FAM118A: variants seen among roughly 807,000 people sequenced by gnomAD.
The protein encoded by FAM118A is protein FAM118A.
FAM118A carries 25 observed loss-of-function variants against 38.2 expected under a neutral mutation model. The ratio of observed to expected loss-of-function variants is 0.65; its 90% CI spans 0.48 to 0.91. FAM118A has a LOEUF of 0.91. Among genes scored for constraint, FAM118A ranks in the 40% least tolerant of loss-of-function variants. The pLI is 0.00. For missense variants in FAM118A, 425 were observed against 463.3 expected (o/e 0.92, Z 0.76); for synonymous variants, 178 against 184.1 (o/e 0.97, Z 0.27).
chr22:45,327,597 T>C (rs906011171), intron 3 of FAM118A, among the ~76,000 whole-genome samples: 1 of 152,194 alleles, frequency 6.6e-6, no homozygotes, highest in Non-Finnish European at 1.5e-5. Context: ...GTCTTGGTCC[T>C]GTCCACCTCC....
chr22:45,333,806 T>C (rs899883517), intron 6 of FAM118A, among the ~76,000 whole-genome samples: 10 of 152,164 alleles, frequency 6.6e-5, no homozygotes, highest in South Asian at 2.1e-4. Context: ...AGGCCACTTA[T>C]TCCAGTCTGG....
At chr22:45,327,338 CTG>C (rs1466284192) in intron 3 of FAM118A, among the ~76,000 whole-genome samples, 1 of 152,040 alleles carries the variant, frequency 6.6e-6, no homozygotes, top group Non-Finnish European at 1.5e-5. Flanking sequence ...AAAACTGGGA[CTG>C]TGCAGCGCTC....
intron 1 of FAM118A, among the ~76,000 whole-genome samples, chr22:45,316,762 G>A (rs2084625057): frequency 6.6e-6 from 1 of 152,194 alleles, no homozygotes; most frequent in Non-Finnish European, 1.5e-5. Flanking sequence ...GGTACTAATA[G>A]CCTACTGTGT....
chr22:45,337,747 GC>G, intron 8 of FAM118A: 1 of 795,354 alleles, frequency 1.3e-6, no homozygotes, highest in East Asian at 1.3e-4. Flanking sequence ...CCTTGCTCTG[GC>G]CCCCCATCCA....
chr22:45,337,607 T>TA (rs796219430), intron 8 of FAM118A, among the ~76,000 whole-genome samples: 8 of 151,968 alleles, frequency 5.3e-5, no homozygotes, highest in Non-Finnish European at 1.2e-4. Flanking sequence ...AATTTTTTTT[T>TA]AAAAAAAGTA....
Position 45,340,426 on chromosome 22 carries a change from CA to C in FAM118A, c.*23del. ...CTTGAAATCTTTACAGTAAAACCTG[CA>C]ACTTGAAAACTAGCCTTCTGTAACC... On this transcript the variant is annotated 3_prime_UTR_variant, in exon 9 of 9. Transcript: ENST00000441876. 1 of 1,613,944 alleles carries C rather than the reference CA, an allele frequency of 6.2e-7. No individual in the cohort carries two copies.
At chr22:45,322,521 C>G in intron 2 of FAM118A, 95 bp downstream of exon 2, 1 of 1,094,534 alleles carries the variant, frequency 9.1e-7, no homozygotes, top group Non-Finnish European at 1.3e-6. Flanking sequence ...CCTGCAAGGG[C>G]GAAAGTGAAA....
At chr22:45,317,839 C>T (rs2084673869) in intron 1 of FAM118A, among the ~76,000 whole-genome samples, 1 of 152,208 alleles carries the variant, frequency 6.6e-6, no homozygotes, top group Non-Finnish European at 1.5e-5. Context: ...TCCACCGGGA[C>T]AGGCTCTGTC....
At chr22:45,327,721 G>C in intron 3 of FAM118A, 121 bp from the exon 4 acceptor site, 1 of 1,004,778 alleles carries the variant, frequency 1.0e-6, no homozygotes, top group Non-Finnish European at 1.5e-6. Flanking sequence ...CGCACGCTGT[G>C]AAGCCAGATT....
chr22:45,313,827 C>T (rs2084485650), intron 1 of FAM118A, among the ~76,000 whole-genome samples: 1 of 152,184 alleles, frequency 6.6e-6, no homozygotes, highest in Non-Finnish European at 1.5e-5. Flanking sequence ...CCGCCGAACA[C>T]TGAAAATATG....
At chr22:45,309,885 C>T (rs1214916560), upstream of FAM118A, 2 of 152,052 alleles carry the variant, frequency 1.3e-5, no homozygotes, top group African/African-American at 2.4e-5. Flanking sequence ...CCGTTGGTTT[C>T]GGGACGGAAC....
In FAM118A at chr22:45,319,482, C is replaced by G. The variant is rs368023146; in HGVS notation, c.-9-2889C>G. Among the ~76,000 whole-genome samples, 4 of 152,346 alleles carry G rather than the reference C, an allele frequency of 2.6e-5. No homozygotes were observed. The East Asian group carries it at 7.7e-4, about 29-fold the overall frequency. On this transcript the variant is annotated intron_variant, in intron 1 of 8. Transcript: ENST00000441876. ...AGGAGGCCGGGAGTGTGCAGGCCGC[C>G]TCATCCACAGGCCAGAGCCTGAGCT...
At chr22:45,309,812 C>G (rs1252987853), upstream of FAM118A, 3 of 151,482 alleles carry the variant, frequency 2.0e-5, no homozygotes, top group African/African-American at 7.2e-5. Flanking sequence ...GGCGGCGGGG[C>G]GGGGCGGGGC....
rs772438168 is a variant in FAM118A at position 45,323,444 on chromosome 22, T to C, written c.300+17T>C. 13 of 1,608,912 alleles carry C rather than the reference T, an allele frequency of 8.1e-6. No individual in the cohort carries two copies. The highest frequency in any genetic ancestry group is 1.1e-5 in the Non-Finnish European group (13 of 1,176,222). ...ATGTCACCTGTAAGTGTCAGACAAG[T>C]ACCTCTTGGGGACAGCTTGGTTCTG... On this transcript the variant is annotated intron_variant, in intron 3 of 8. Coordinates refer to ENST00000441876, the MANE Select transcript of FAM118A (RefSeq NM_017911.4).
At chr22:45,338,518 C>T (rs1417215939) in intron 8 of FAM118A, among the ~76,000 whole-genome samples, 4 of 152,210 alleles carry the variant, frequency 2.6e-5, no homozygotes, top group African/African-American at 4.8e-5. Context: ...TGAGCCACTG[C>T]GCCCGGCCAA....
rs181908423 is a variant in FAM118A at position 45,332,139 on chromosome 22, G to C, written c.652-286G>C. Among the ~76,000 whole-genome samples the C allele has an allele frequency of 2.3e-3, 347 of 152,340 alleles. 1 individual carries two copies. The highest frequency in any genetic ancestry group is 8.0e-3 in the African/African-American group (332 of 41,580). On this transcript the variant is annotated intron_variant, in intron 5 of 8. Transcript: ENST00000441876. ...CGATGGGCTGGCCTTGCTGTTAGGG[G>C]TGTGGGCACTGCCACCCGCCTCGGC...
intron 3 of FAM118A, among the ~76,000 whole-genome samples, chr22:45,325,251 A>G (rs1163013393): frequency 6.6e-6 from 1 of 151,950 alleles, no homozygotes; most frequent in Non-Finnish European, 1.5e-5. Flanking sequence ...GCATCATTCA[A>G]CTCTTCTGTT....
At chr22:45,336,439 G>A (rs1194737770) in intron 8 of FAM118A, 28 bp downstream of exon 8, 7 of 1,578,150 alleles carry the variant, frequency 4.4e-6, no homozygotes, top group African/African-American at 2.7e-5. Flanking sequence ...TTTGTGGGGA[G>A]CTGCCTCGGG....
Position 45,330,631 on chromosome 22 carries a change from AG to A in FAM118A, c.552del (p.Lys184AsnfsTer81). The A allele has an allele frequency of 6.3e-7, 1 of 1,582,246 alleles. No homozygotes were observed. The highest frequency in any genetic ancestry group is 1.2e-5 in the South Asian group (1 of 86,198). On this transcript the variant is annotated frameshift_variant, in exon 5 of 9. Transcript: ENST00000441876. LOFTEE classifies it high-confidence loss of function. ...CTTGAATGGGCAAGAGGGCACATGA[AG>A]TACGGCGTCCTCCACATTCACGGCC... ...KVLEWARGHM[K>X]YGVLHIHGLY...
Sources: gnomAD v4.1 joint callset for allele counts (sites outside exome capture counted in the v4.1 genomes callset) on GRCh38, gnomAD v4.1.1 for gene constraint, MANE v1.5 for transcripts, NCBI Gene and HGNC (gene_info 2026-07-23, HGNC 2026-07-21) for gene names.